The following FAM220A variants were observed in gnomAD, a reference collection of about 807,000 sequenced individuals.
FAM220A encodes protein FAM220A.
For synonymous variants in FAM220A, 141 were observed against 130.7 expected (o/e 1.08, Z -0.54); for missense variants, 392 against 321.6 (o/e 1.22, Z -1.68).
rs1260659116 is a variant in FAM220A, at chr7:6,330,523, A to C, written c.632T>G (p.Ile211Ser). ...CATGGGCTTTAAACGGTCAAGGAAA[A>C]TGCGTTTTGTCTCCTCACTCAGGAG... The part of the protein sequence containing the change: ...EVLLSEETKR[I>S]FLDRLKPMFS... Residue 211 changes from isoleucine to serine, a missense_variant, in exon 2 of 2, where the codon ATT becomes AGT. Coordinates refer to ENST00000313324, the MANE Select transcript of FAM220A (RefSeq NM_001037163.2). 1 of 1,614,168 alleles carries C rather than the reference A, an allele frequency of 6.2e-7. No individual in the cohort carries two copies.
At chr7:6,341,303 C>T (rs1399442643) in intron 1 of FAM220A, among the ~76,000 whole-genome samples, 2 of 144,556 alleles carry the variant, frequency 1.4e-5, no homozygotes, top group African/African-American at 2.6e-5. Context: ...ATTGGCTGGG[C>T]CTGGTGGCGG....
chr7:6,331,428 G>T (rs1395725829), intron 1 of FAM220A, among the ~76,000 whole-genome samples, 193 bp from the exon 2 acceptor site: 1 of 152,168 alleles, frequency 6.6e-6, no homozygotes, highest in African/African-American at 2.4e-5. Flanking sequence ...GTCCCAAAGT[G>T]CTGGGATTAC....
At position 6,330,397 on chromosome 7, in the gene FAM220A, G is replaced by A. The variant is rs749931416; in HGVS notation, c.758C>T (p.Ala253Val). Residue 253 changes from alanine (A) to valine (V), a missense_variant, in exon 2 of 2, where the codon GCA becomes GTA. Physicochemically the swap from Ala to Val is moderately conservative, Grantham distance 64 (BLOSUM62 0). Coordinates refer to ENST00000313324, the MANE Select transcript of FAM220A (RefSeq NM_001037163.2). ...GLLALQPFEL[A>V]NTLCHS ...ACCTTAACTATGGCATAATGTATTT[G>A]CTAATTCAAAAGGTTGCAGAGCCAG... The A allele has an allele frequency of 1.2e-6, 2 of 1,613,058 alleles. No individual in the cohort carries two copies. The highest frequency in any genetic ancestry group is 1.7e-6 in the Non-Finnish European group (2 of 1,179,704).
Position 6,330,872 on chromosome 7 carries a change from C to A in FAM220A, c.283G>T (p.Ala95Ser). Residue 95 changes from alanine to serine, a missense_variant, in exon 2 of 2, where the codon GCC (alanine) becomes TCC (serine). Ala to Ser is a moderately conservative substitution (Grantham distance 99). Coordinates refer to ENST00000313324, the MANE Select transcript of FAM220A (RefSeq NM_001037163.2). Reference sequence around the variant, plus strand: ...GCTGTGCTCGGAGTGGCTGCTGAGGCTGGATTTCTTCTTACTGATTCTCTC... The same window carrying A: ...GCTGTGCTCGGAGTGGCTGCTGAGGATGGATTTCTTCTTACTGATTCTCTC... ...YVRESVRRNP[A>S]SAATPSTAVG... is the part of the protein sequence containing the mutation. The A allele has an allele frequency of 1.2e-6, 2 of 1,614,206 alleles. No homozygotes were observed. The highest frequency in any genetic ancestry group is 1.1e-5 in the South Asian group (1 of 91,086).
chr7:6,343,011 T>C (rs1781890829), intron 1 of FAM220A, among the ~76,000 whole-genome samples: 1 of 148,252 alleles, frequency 6.7e-6, no homozygotes, highest in Non-Finnish European at 1.5e-5. Context: ...CACTCCAGCC[T>C]GGATGACAGA....
At chr7:6,333,110 T>C (rs1427876883) in intron 1 of FAM220A, among the ~76,000 whole-genome samples, 2 of 144,004 alleles carry the variant, frequency 1.4e-5, no homozygotes, top group East Asian at 4.1e-4. Context: ...TGAGCCGAGA[T>C]CCCACCACTG....
chr7:6,345,478 A>G (rs564258511), intron 1 of FAM220A, among the ~76,000 whole-genome samples: 5 of 152,252 alleles, frequency 3.3e-5, no homozygotes, highest in Admixed American at 6.6e-5. Context: ...AGATACTACA[A>G]TAGTCCAGGC....
chr7:6,344,671 G>A (rs182380817), intron 1 of FAM220A, among the ~76,000 whole-genome samples: 105 of 151,842 alleles, frequency 6.9e-4, no homozygotes, highest in African/African-American at 2.5e-3. Flanking sequence ...CTCCCACCTT[G>A]GACTCCCAAA....
chr7:6,330,271 G>A lies in FAM220A; in HGVS notation c.*104C>T. 8.8e-7 allele frequency: 1 copy of A among 1,135,138 alleles called. No homozygotes were observed. Among genetic ancestry groups the A allele is most frequent in the Non-Finnish European group, 1.2e-6 (1 of 800,974 alleles). 70.3% of individuals were successfully genotyped at this position (1,135,138 alleles called of 1,614,324 possible). A position where few individuals can be genotyped will look rare whatever the true frequency, so the allele number is the denominator to read the frequency against. ...GTCTGCCAGGTCGTACAAAACTACA[G>A]CAGGAACCTAAGGGCTGCACAGTTT... On this transcript the variant is annotated 3_prime_UTR_variant, in exon 2 of 2. Transcript: ENST00000313324.
chr7:6,334,653 G>C (rs1481840685), intron 1 of FAM220A, among the ~76,000 whole-genome samples: 1 of 151,914 alleles, frequency 6.6e-6, no homozygotes. Flanking sequence ...TTTTGGTAGA[G>C]ATGGGGTTCC....
chr7:6,341,170 C>T (rs982670728), intron 1 of FAM220A, among the ~76,000 whole-genome samples: 4 of 146,750 alleles, frequency 2.7e-5, no homozygotes, highest in Non-Finnish European at 6.0e-5. Flanking sequence ...GCTGGCCAGG[C>T]ACAGTGGCTC....
intron 1 of FAM220A, among the ~76,000 whole-genome samples, chr7:6,348,305 C>G (rs1005866572): frequency 1.3e-5 from 2 of 152,018 alleles, no homozygotes; most frequent in Non-Finnish European, 2.9e-5. Flanking sequence ...CAACACCTTT[C>G]CAGCCCATGC....
At chr7:6,332,631 G>C (rs1481580207) in intron 1 of FAM220A, among the ~76,000 whole-genome samples, 1 of 152,086 alleles carries the variant, frequency 6.6e-6, no homozygotes, top group Non-Finnish European at 1.5e-5. Flanking sequence ...CTGGGAGGCA[G>C]AGGTCACAGT....
At chr7:6,337,223 C>T (rs1019438159) in intron 1 of FAM220A, among the ~76,000 whole-genome samples, 2 of 152,096 alleles carry the variant, frequency 1.3e-5, no homozygotes, top group East Asian at 1.9e-4. Context: ...AGGTGTATGC[C>T]ACCATGGCCC....
chr7:6,339,271 C>T (rs1781804795), intron 1 of FAM220A, among the ~76,000 whole-genome samples: 1 of 152,040 alleles, frequency 6.6e-6, no homozygotes, highest in Non-Finnish European at 1.5e-5. Flanking sequence ...AGCCGGAGAC[C>T]AGCCTGAGCA....
intron 1 of FAM220A, among the ~76,000 whole-genome samples, chr7:6,345,847 C>A (rs1781942343): frequency 6.6e-6 from 1 of 152,054 alleles, no homozygotes; most frequent in African/African-American, 2.4e-5. Context: ...TGGCTCACTG[C>A]AACCTCCATC....
At position 6,340,709 on chromosome 7, in the gene FAM220A, C is replaced by G. The variant is rs185627663; in HGVS notation, c.-82+7864G>C. Among the ~76,000 whole-genome samples the G allele has an allele frequency of 4.6e-5, 7 of 151,904 alleles. No individual in the cohort carries two copies. The East Asian group carries it at 1.2e-3, about 25-fold the overall frequency. Reference sequence around the variant, plus strand: ...GGTCAGGAGATCGAGACCATCCTGGCTAACACGGTAAAACCCTGTCTCTAC... The same window carrying G: ...GGTCAGGAGATCGAGACCATCCTGGGTAACACGGTAAAACCCTGTCTCTAC... On this transcript the variant is annotated intron_variant, in intron 1 of 1. Transcript: ENST00000313324.
At chr7:6,336,682 CAAAA>C (rs35524069) in intron 1 of FAM220A, among the ~76,000 whole-genome samples, 2 of 122,946 alleles carry the variant, frequency 1.6e-5, no homozygotes, top group Non-Finnish European at 1.8e-5. Flanking sequence ...AGACTTTGTC[CAAAA>C]AAAAAAAAAA....
At chr7:6,334,336 G>C (rs1158544535) in intron 1 of FAM220A, among the ~76,000 whole-genome samples, 1 of 151,270 alleles carries the variant, frequency 6.6e-6, no homozygotes, top group African/African-American at 2.4e-5. Context: ...AGGAGTTCAA[G>C]ACCAGCCTGA....
Sources: allele counts gnomAD v4.1 joint callset (sites outside exome capture counted in the v4.1 genomes callset), GRCh38; gene constraint gnomAD v4.1.1; transcripts MANE v1.5; gene names NCBI Gene and HGNC (gene_info 2026-07-23, HGNC 2026-07-21).